The following ENO4 variants were observed in gnomAD, a reference collection of about 807,000 sequenced individuals.
The protein encoded by ENO4 is 2-phospho-D-glycerate hydro-lyase.
In ENO4, 53 loss-of-function variants were observed where a neutral mutation model predicts 63.2. The ratio of observed to expected loss-of-function variants is 0.84; its 90% CI spans 0.67 to 1.05. The LOEUF is 1.05. Among genes scored for constraint, ENO4 ranks in the 50% least tolerant of loss-of-function variants. The pLI is 0.00. For missense variants in ENO4, 719 were observed against 772.0 expected, an observed-to-expected ratio of 0.93 and a Z score of 0.81; for synonymous variants, 266 against 283.8, an observed-to-expected ratio of 0.94 and a Z score of 0.63.
At position 116,900,832 on chromosome 10, in the gene ENO4, C is replaced by A. The variant is rs2133322318; in HGVS notation, c.1195-10667C>A. The stretch of plus-strand genomic sequence containing the variant: ...GAAATTAGATAAAACTGTAAATCAG[C>A]AAAGAAGGCCATTCATTCCAGAAGA... On this transcript the variant is annotated intron_variant, in intron 10 of 10. Coordinates refer to the ENO4 transcript ENST00000369207. 4 of 985,154 alleles carry A rather than the reference C, an allele frequency of 4.1e-6. No homozygotes were observed. In the South Asian group the frequency reaches 1.9e-4, roughly 46 times the overall value. The allele number at this position is 985,154 out of a possible 1,614,324, so 61.0% of individuals were successfully genotyped here. A position where few individuals can be genotyped will look rare whatever the true frequency, so the allele number is the denominator to read the frequency against.
At chr10:116,868,565 T>G in intron 7 of ENO4, 85 bp from the exon 8 acceptor site, 1 of 1,110,190 alleles carries the variant, frequency 9.0e-7, no homozygotes, top group Non-Finnish European at 1.3e-6. Context: ...GTGTTGCTGG[T>G]CAGGTCTCAG....
intron 6 of ENO4, among the ~76,000 whole-genome samples, chr10:116,862,314 A>C (rs1282331788): frequency 1.3e-5 from 2 of 151,992 alleles, no homozygotes; most frequent in Non-Finnish European, 2.9e-5. Flanking sequence ...AAATACAAAA[A>C]TTAGCCAGGC....
intron 10 of ENO4, among the ~76,000 whole-genome samples, chr10:116,875,330 C>T (rs918671740): frequency 2.6e-5 from 4 of 151,984 alleles, no homozygotes; most frequent in African/African-American, 4.8e-5. Flanking sequence ...ACCAGCCCTG[C>T]GATGACTGTC....
intron 9 of ENO4, among the ~76,000 whole-genome samples, chr10:116,871,888 A>G (rs1846704501): frequency 6.6e-6 from 1 of 152,178 alleles, no homozygotes; most frequent in Admixed American, 6.5e-5. Context: ...AGAGTGAAAA[A>G]CAGGTTCATT....
intron 10 of ENO4, among the ~76,000 whole-genome samples, chr10:116,890,111 G>A (rs1017906443): frequency 6.6e-6 from 1 of 152,122 alleles, no homozygotes; most frequent in Non-Finnish European, 1.5e-5. Flanking sequence ...AGAAATCCCA[G>A]AAGCTCAAAT....
chr10:116,892,703 G>A (rs1330358369), intron 10 of ENO4, among the ~76,000 whole-genome samples: 1 of 152,106 alleles, frequency 6.6e-6, no homozygotes, highest in African/African-American at 2.4e-5. Context: ...TTTTCATAGA[G>A]CTATATAATA....
chr10:116,877,704 GA>G (rs1846878728), intron 11 of ENO4, among the ~76,000 whole-genome samples: 1 of 152,202 alleles, frequency 6.6e-6, no homozygotes, highest in African/African-American at 2.4e-5. Flanking sequence ...GATGACAGGT[GA>G]AAAGCGGGGC....
chr10:116,856,114 A>T (rs1465044059), intron 2 of ENO4, among the ~76,000 whole-genome samples: 1 of 152,210 alleles, frequency 6.6e-6, no homozygotes, highest in African/African-American at 2.4e-5. Flanking sequence ...ACCTAAAGAA[A>T]GAAAATAATT....
At chr10:116,902,057 A>G (rs1055115134) in intron 10 of ENO4, 1 of 1,070,198 alleles carries the variant, frequency 9.3e-7, no homozygotes, top group Non-Finnish European at 1.3e-6. Flanking sequence ...AAGAAGTGAA[A>G]AGGCCAAGTT....
chr10:116,863,356 T>TCA (rs10646641), intron 7 of ENO4, among the ~76,000 whole-genome samples: 8,778 of 147,226 alleles, frequency 0.06, 458 homozygotes, highest in African/African-American at 0.14. Flanking sequence ...CTGTGGGGCT[T>TCA]CACACACACA....
downstream of ENO4, chr10:116,886,531 A>C: frequency 1.2e-6 from 2 of 1,614,190 alleles, no homozygotes; most frequent in African/African-American, 1.3e-5. Context: ...TTCACCGTCA[A>C]TGTATTTTTT....
chr10:116,902,183 A>G (rs1847769045), intron 10 of ENO4, among the ~76,000 whole-genome samples: 1 of 152,206 alleles, frequency 6.6e-6, no homozygotes, highest in Non-Finnish European at 1.5e-5. Flanking sequence ...CAGACCTTTA[A>G]GAAACCACAA....
intron 10 of ENO4, among the ~76,000 whole-genome samples, 165 bp from the exon 11 acceptor site, chr10:116,875,900 G>A (rs1846818613): frequency 6.6e-6 from 1 of 152,164 alleles, no homozygotes; most frequent in Non-Finnish European, 1.5e-5. Flanking sequence ...AAGCTTCTTA[G>A]TTTGTGTGGC....
rs1433146766 is a variant in ENO4, at chr10:116,882,520, TATA to T, written c.*858_*860del. On this transcript the variant is annotated 3_prime_UTR_variant, in exon 14 of 14. Transcript: ENST00000341276. ...ATATATTCAGACACAAACATATAGA[TATA>T]ATAATATCCAACCACTTTATATGAT... The T allele has an allele frequency of 6.6e-6, 1 of 151,994 alleles. No individual in the cohort carries two copies. Among genetic ancestry groups the T allele is most frequent in the Non-Finnish European group, 1.5e-5 (1 of 68,020 alleles). 9.4% of individuals were successfully genotyped at this position (151,994 alleles called of 1,614,324 possible).
intron 6 of ENO4, 35 bp from the exon 7 acceptor site, chr10:116,862,764 G>A (rs1170897130): frequency 3.3e-6 from 5 of 1,519,998 alleles, no homozygotes; most frequent in Non-Finnish European, 4.5e-6. Flanking sequence ...TTTCTAGTCT[G>A]CAACTGTGGA....
chr10:116,870,460 G>T (rs986159783), intron 8 of ENO4, among the ~76,000 whole-genome samples: 4 of 152,092 alleles, frequency 2.6e-5, no homozygotes, highest in Non-Finnish European at 4.4e-5. Flanking sequence ...GGGCAACACA[G>T]TGAGACCCTG....
intron 1 of ENO4, among the ~76,000 whole-genome samples, chr10:116,851,827 C>T (rs1408822946): frequency 1.3e-5 from 2 of 152,106 alleles, no homozygotes; most frequent in Non-Finnish European, 2.9e-5. Flanking sequence ...CTCCTCTTTG[C>T]TTGTCCCATT....
chr10:116,876,461 T>C (rs1357863499), intron 11 of ENO4, among the ~76,000 whole-genome samples: 1 of 152,226 alleles, frequency 6.6e-6, no homozygotes, highest in Non-Finnish European at 1.5e-5. Flanking sequence ...AACAGCCCAA[T>C]TCCAAGCTCA....
At position 116,871,209 on chromosome 10, in the gene ENO4, G is replaced by A. The variant is rs1170813594; in HGVS notation, c.1132G>A (p.Glu378Lys). The change falls in exon 9 of 14, where the codon GAA becomes AAA. Residue 378 changes from glutamate (E) to lysine (K), a missense_variant. Physicochemically the swap from Glu to Lys is moderately conservative, Grantham distance 56. This residue lies in a region of ENO4 where 544 missense variants were observed against 583.6 expected (regional missense o/e 0.93). Coordinates refer to ENST00000341276, the MANE Select transcript of ENO4 (RefSeq NM_001242699.2). ...SIEQPLLLIQ[E>K]ICANLGLELG... ...AGAACAGCCACTGCTTCTAATACAG[G>A]AAATCTGTGCCAACCTGGGGCTAGA... 5 of 1,550,468 alleles carry A rather than the reference G, an allele frequency of 3.2e-6. No individual in the cohort carries two copies. Among genetic ancestry groups the A allele is most frequent in the South Asian group, 1.2e-5 (1 of 84,048 alleles).
Sources: allele counts gnomAD v4.1 joint callset (sites outside exome capture counted in the v4.1 genomes callset), GRCh38; gene constraint gnomAD v4.1.1; regional missense constraint gnomAD v4.1.1; transcripts MANE v1.5; gene names NCBI Gene and HGNC (gene_info 2026-07-23, HGNC 2026-07-21).